BANK1: variants seen among roughly 807,000 people sequenced by gnomAD.
The protein encoded by BANK1 is B-cell scaffold protein with ankyrin repeats.
BANK1 carries 95 observed loss-of-function variants against 94.5 expected under a neutral mutation model. The ratio of observed to expected loss-of-function variants is 1.00; its 90% CI spans 0.85 to 1.19. The LOEUF (loss-of-function observed/expected upper bound fraction) is 1.19. Among genes scored for constraint, BANK1 ranks in the 50% most tolerant of loss-of-function variants. The pLI, the probability that BANK1 is intolerant of heterozygous loss-of-function variation, is 0.00. For synonymous variants in BANK1, 334 were observed against 308.4 expected (o/e 1.08, Z -0.87); for missense variants, 987 against 932.2 (o/e 1.06, Z -0.77).
Position 101,812,954 on chromosome 4 carries a change from G to T in BANK1, c.71-16854G>T, listed in dbSNP as rs1044053708. Among the ~76,000 whole-genome samples the T allele has an allele frequency of 8.6e-5, 13 of 151,904 alleles. No individual in the cohort carries two copies. In the East Asian group the frequency reaches 1.7e-3, roughly 20 times the overall value. ...TTCCTAATATGACACCTGGAATGTGGGAATTAATAATAGTAAAAAAGTAAT... is the reference window on the plus strand; with the variant it reads ...TTCCTAATATGACACCTGGAATGTGTGAATTAATAATAGTAAAAAAGTAAT... On this transcript the variant is annotated intron_variant, in intron 1 of 16. Coordinates refer to ENST00000322953, the MANE Select transcript of BANK1 (RefSeq NM_017935.5).
chr4:101,956,182 C>G (rs1724330070), intron 7 of BANK1, among the ~76,000 whole-genome samples: 1 of 152,028 alleles, frequency 6.6e-6, no homozygotes, highest in Admixed American at 6.6e-5. Flanking sequence ...GAAGACTGCT[C>G]CTTGACTATG....
chr4:101,816,415 G>C (rs558426092), intron 1 of BANK1, among the ~76,000 whole-genome samples: 1 of 152,224 alleles, frequency 6.6e-6, no homozygotes, highest in South Asian at 2.1e-4. Context: ...AAATCAAAGT[G>C]GTCTCTCAAA....
chr4:102,042,754 C>G (rs2631269), intron 10 of BANK1, among the ~76,000 whole-genome samples: 34,660 of 151,862 alleles, frequency 0.23, 4,399 homozygotes, highest in East Asian at 0.37. Flanking sequence ...GAAATTCTGT[C>G]GAACTGCTAA....
At chr4:101,842,955 G>C (rs1470326259) in intron 2 of BANK1, among the ~76,000 whole-genome samples, 1 of 152,008 alleles carries the variant, frequency 6.6e-6, no homozygotes, top group Non-Finnish European at 1.5e-5. Flanking sequence ...TATTTTATTT[G>C]AATCCAATTT....
chr4:101,870,836 A>T (rs1456428039), intron 5 of BANK1, among the ~76,000 whole-genome samples, 192 bp downstream of exon 5: 1 of 152,028 alleles, frequency 6.6e-6, no homozygotes, highest in Non-Finnish European at 1.5e-5. Flanking sequence ...GGTCAAAAAA[A>T]AACAGATAAT....
At chr4:102,047,075 A>T (rs1356792039) in intron 11 of BANK1, among the ~76,000 whole-genome samples, 2 of 152,112 alleles carry the variant, frequency 1.3e-5, no homozygotes, top group African/African-American at 4.8e-5. Flanking sequence ...CTTTTTTGCC[A>T]TTGTGAAGAT....
intron 7 of BANK1, among the ~76,000 whole-genome samples, chr4:101,927,131 A>G (rs566514446): frequency 1.6e-4 from 25 of 151,902 alleles, no homozygotes; most frequent in East Asian, 9.7e-4. Context: ...ATTCACTCAC[A>G]GTTCCACATG....
At chr4:101,796,772 A>G (rs1288113391) in intron 1 of BANK1, among the ~76,000 whole-genome samples, 1 of 152,178 alleles carries the variant, frequency 6.6e-6, no homozygotes, top group Non-Finnish European at 1.5e-5. Context: ...TGAAAATTTT[A>G]TAGCATACTG....
At chr4:101,840,444 T>A (rs774752490) in intron 2 of BANK1, among the ~76,000 whole-genome samples, 1 of 152,128 alleles carries the variant, frequency 6.6e-6, no homozygotes, top group African/African-American at 2.4e-5. Flanking sequence ...TCTGAAGCAC[T>A]GTGACTTGTT....
At chr4:101,818,538 A>G (rs1222825574) in intron 1 of BANK1, among the ~76,000 whole-genome samples, 2 of 152,102 alleles carry the variant, frequency 1.3e-5, no homozygotes, top group Non-Finnish European at 2.9e-5. Flanking sequence ...AATGTAGTAC[A>G]GTAGTCCCCC....
chr4:102,019,156 T>C (rs933413885), intron 7 of BANK1, among the ~76,000 whole-genome samples: 11 of 152,216 alleles, frequency 7.2e-5, no homozygotes, highest in African/African-American at 2.7e-4. Context: ...AATATTGTAT[T>C]CTAATAATTT....
rs147399242 is a variant in BANK1 at position 101,815,195 on chromosome 4, A to G, written c.71-14613A>G. Among the ~76,000 whole-genome samples, 499 of 152,302 alleles carry G rather than the reference A, an allele frequency of 3.3e-3. 3 individuals carry two copies. Among genetic ancestry groups the G allele is most frequent in the African/African-American group, 0.011 (474 of 41,574 alleles). On this transcript the variant is annotated intron_variant, in intron 1 of 16. Coordinates refer to ENST00000322953, the MANE Select transcript of BANK1 (RefSeq NM_017935.5). ...ACCCAGCCACAGGAGACCCCGGACC[A>G]TAGGTCAGGAACTGTCAGAACATAT... is the stretch of plus-strand genomic sequence containing the variant.
intron 7 of BANK1, among the ~76,000 whole-genome samples, chr4:102,000,800 A>G (rs1726040629): frequency 6.6e-6 from 1 of 152,208 alleles, no homozygotes; most frequent in Admixed American, 6.5e-5. Flanking sequence ...TGCAAACACC[A>G]AGCACAGTTT....
chr4:102,037,501 G>A (rs1408293820), intron 10 of BANK1, among the ~76,000 whole-genome samples: 4 of 152,064 alleles, frequency 2.6e-5, no homozygotes, highest in South Asian at 2.1e-4. Flanking sequence ...CTTTTAACAC[G>A]TGATTCTTTG....
At position 101,821,652 on chromosome 4, in the gene BANK1, TTTTG is replaced by T. The variant is rs781265071; in HGVS notation, c.71-8139_71-8136del. Among the ~76,000 whole-genome samples the T allele has an allele frequency of 1.1e-4, 17 of 152,330 alleles. No individual in the cohort carries two copies. In the East Asian group the frequency reaches 1.2e-3, roughly 10 times the overall value. On this transcript the variant is annotated intron_variant, in intron 1 of 16. Coordinates refer to ENST00000322953, the MANE Select transcript of BANK1 (RefSeq NM_017935.5). ...TATGGTATATGTTTGGTTTGGGTTTTTTTGTTTGTTTGTTTGTTTGCTTGATTTT... is the reference window on the plus strand; with the variant it reads ...TATGGTATATGTTTGGTTTGGGTTTTTTTGTTTGTTTGTTTGCTTGATTTT...
intron 7 of BANK1, among the ~76,000 whole-genome samples, chr4:101,969,754 T>C (rs1173927372): frequency 6.6e-6 from 1 of 152,122 alleles, no homozygotes; most frequent in South Asian, 2.1e-4. Flanking sequence ...ATGGATAGAC[T>C]GGAAACCAAT....
chr4:101,970,391 A>G (rs1169104885), intron 7 of BANK1, among the ~76,000 whole-genome samples: 3 of 152,158 alleles, frequency 2.0e-5, no homozygotes, highest in Admixed American at 2.0e-4. Context: ...ACCTGTAAGA[A>G]TCAGAAGTGG....
intron 1 of BANK1, among the ~76,000 whole-genome samples, chr4:101,794,248 G>GA (rs1222757604): frequency 6.6e-6 from 1 of 151,744 alleles, no homozygotes; most frequent in Non-Finnish European, 1.5e-5. Context: ...AAATATATTT[G>GA]AAAAAAATAA....
At chr4:102,057,813 T>C (rs1490023366) in intron 11 of BANK1, among the ~76,000 whole-genome samples, 1 of 152,124 alleles carries the variant, frequency 6.6e-6, no homozygotes, top group Non-Finnish European at 1.5e-5. Context: ...AATTATAAAG[T>C]GGCAGAAATT....
Sources: gnomAD v4.1 joint callset for allele counts (sites outside exome capture counted in the v4.1 genomes callset) on GRCh38, gnomAD v4.1.1 for gene constraint, MANE v1.5 for transcripts, NCBI Gene and HGNC (gene_info 2026-07-23, HGNC 2026-07-21) for gene names.